PTPN3: variants seen among roughly 807,000 people sequenced by gnomAD.
The protein encoded by PTPN3 is protein tyrosine phosphatase non-receptor type 3.
Under a neutral mutation model 132.7 loss-of-function variants are expected in PTPN3, and 96 were observed. That is an observed-to-expected ratio of 0.72 (90% CI 0.61 to 0.86). The LOEUF is 0.86. Ranked by LOEUF, PTPN3 falls within the 40% of genes least tolerant of loss-of-function variation. The probability of loss-of-function intolerance (pLI) is 0.00; values close to 1 mark genes in which losing one functional copy is unlikely to be tolerated. For missense variants in PTPN3, 1,125 were observed against 1,159.6 expected, an observed-to-expected ratio of 0.97 and a Z score of 0.43; for synonymous variants, 398 against 429.0, an observed-to-expected ratio of 0.93 and a Z score of 0.89.
chr9:109,506,607 CTTT>C, the PTPN3 span, among the ~76,000 whole-genome samples: 11 of 131,770 alleles, frequency 8.3e-5, no homozygotes, highest in Admixed American at 7.8e-5. Context: ...TTCTTTCTTT[CTTT>C]TTTTTTTTTT....
chr9:109,503,186 G>T (rs931051791), upstream of PTPN3, among the ~76,000 whole-genome samples: 11 of 152,112 alleles, frequency 7.2e-5, no homozygotes, highest in Non-Finnish European at 1.6e-4. Flanking sequence ...GGAGGGTGAA[G>T]CCCACCCTGC....
At chr9:109,433,306 C>A in intron 9 of PTPN3, 145 bp from the exon 10 acceptor site, 1 of 1,323,652 alleles carries the variant, frequency 7.6e-7, no homozygotes, top group South Asian at 1.8e-5. Context: ...CAAAAAGCCC[C>A]ACTTAACGGA....
chr9:109,404,636 C>T (rs1224043027), intron 18 of PTPN3, 28 bp from the exon 19 acceptor site: 1 of 1,422,584 alleles, frequency 7.0e-7, no homozygotes, highest in Non-Finnish European at 9.4e-7. Flanking sequence ...GTGCATCTGA[C>T]TTGTGTAGCA....
At chr9:109,389,727 C>A (rs1839905158) in intron 21 of PTPN3, among the ~76,000 whole-genome samples, 1 of 152,122 alleles carries the variant, frequency 6.6e-6, no homozygotes, top group African/African-American at 2.4e-5. Context: ...CCAATCCTAC[C>A]CCTAAGTCTT....
chr9:109,431,925 A>T (rs1843688311), intron 10 of PTPN3, among the ~76,000 whole-genome samples: 1 of 151,910 alleles, frequency 6.6e-6, no homozygotes, highest in East Asian at 1.9e-4. Context: ...AAAGGAGATA[A>T]ATCAAAGAAA....
intron 22 of PTPN3, among the ~76,000 whole-genome samples, chr9:109,386,734 G>A (rs1449050027): frequency 1.3e-5 from 2 of 152,340 alleles, no homozygotes; most frequent in African/African-American, 2.4e-5. Context: ...GAAGGTACCA[G>A]TCTCAAGGTG....
chr9:109,478,986 T>C (rs1846827543), intron 1 of PTPN3, among the ~76,000 whole-genome samples: 1 of 152,048 alleles, frequency 6.6e-6, no homozygotes, highest in Non-Finnish European at 1.5e-5. Flanking sequence ...TTTTCTGTTC[T>C]TTTAAATCTC....
Position 109,378,771 on chromosome 9 carries a change from G to A in PTPN3, c.*785C>T, listed in dbSNP as rs41278397. ...GTCGGTGATTCCAGTCCTGGGTGCT[G>A]AGTGTGCAGTAGGAGGCAAGCAGAG... is the stretch of plus-strand genomic sequence containing the variant. On this transcript the variant is annotated 3_prime_UTR_variant, in exon 26 of 26. Transcript: ENST00000374541. 5,360 of 152,810 alleles carry A rather than the reference G, an allele frequency of 0.035. 147 individuals carry two copies. Among genetic ancestry groups the A allele is most frequent in the East Asian group, 0.15 (758 of 5,178 alleles). 9.5% of individuals were successfully genotyped at this position (152,810 alleles called of 1,614,324 possible). A position where few individuals can be genotyped will look rare whatever the true frequency, so the allele number is the denominator to read the frequency against.
chr9:109,449,824 T>C, intron 5 of PTPN3: 1 of 985,396 alleles, frequency 1.0e-6, no homozygotes, highest in Non-Finnish European at 1.2e-6. Context: ...ATCAGTTTCA[T>C]TATTCCTTCA....
At chr9:109,477,613 C>T (rs1588491315) in intron 1 of PTPN3, among the ~76,000 whole-genome samples, 1 of 152,238 alleles carries the variant, frequency 6.6e-6, no homozygotes, top group Non-Finnish European at 1.5e-5. Flanking sequence ...CACATGATGT[C>T]TAAAGGCCCT....
chr9:109,428,549 T>C (rs1163038704), intron 11 of PTPN3, 72 bp downstream of exon 11: 4 of 1,508,546 alleles, frequency 2.7e-6, no homozygotes, highest in Non-Finnish European at 3.6e-6. Context: ...TTGGGCAACA[T>C]AGCGAGACCC....
intron 1 of PTPN3, among the ~76,000 whole-genome samples, chr9:109,473,789 A>G (rs1846497960): frequency 1.3e-5 from 2 of 152,184 alleles, no homozygotes; most frequent in South Asian, 4.2e-4. Context: ...AGTGCTCCCC[A>G]GGAGCCCAGC....
chr9:109,511,849 A>G, the PTPN3 span, among the ~76,000 whole-genome samples: 1 of 152,250 alleles, frequency 6.6e-6, no homozygotes, highest in Non-Finnish European at 1.5e-5. Context: ...TCCAGCATTC[A>G]AAGAGCTGGG....
intron 19 of PTPN3, among the ~76,000 whole-genome samples, chr9:109,403,622 G>A (rs992277447): frequency 6.6e-6 from 1 of 152,164 alleles, no homozygotes; most frequent in Non-Finnish European, 1.5e-5. Flanking sequence ...GGAGGACGGC[G>A]TGGGACCAGG....
At chr9:109,526,295 T>C in the PTPN3 span, among the ~76,000 whole-genome samples, 2 of 151,892 alleles carry the variant, frequency 1.3e-5, no homozygotes, top group Non-Finnish European at 2.9e-5. Flanking sequence ...TTACTTTAAA[T>C]TCATCTGCAG....
chr9:109,479,593 T>G lies in PTPN3; in HGVS notation c.-17-16142A>C, dbSNP rs572735593. On this transcript the variant is annotated intron_variant, in intron 1 of 25. Transcript: ENST00000374541. ...CTATCTATAGCTTTTTAAAATTTTT[T>G]TGAGACACAGTCTTCCTCTGTTGCC... Among the ~76,000 whole-genome samples, 18 of 152,364 alleles carry G rather than the reference T, an allele frequency of 1.2e-4. No individual in the cohort carries two copies. In the East Asian group the frequency reaches 2.7e-3, roughly 23 times the overall value.
At chr9:109,502,294 T>C (rs1588521907), upstream of PTPN3, among the ~76,000 whole-genome samples, 3 of 152,376 alleles carry the variant, frequency 2.0e-5, no homozygotes, top group Admixed American at 2.0e-4. Flanking sequence ...TTGGGAAGTC[T>C]GCCCTACTTG....
chr9:109,423,888 AAACAG>A (rs1387711523), intron 12 of PTPN3, among the ~76,000 whole-genome samples: 3 of 152,202 alleles, frequency 2.0e-5, no homozygotes, highest in Non-Finnish European at 2.9e-5. Flanking sequence ...AACAAAAACA[AAACAG>A]AACAAAGAAC....
At chr9:109,439,331 A>AT (rs1844286996) in intron 7 of PTPN3, among the ~76,000 whole-genome samples, 1 of 151,992 alleles carries the variant, frequency 6.6e-6, no homozygotes, top group Non-Finnish European at 1.5e-5. Flanking sequence ...CTCGTATTCC[A>AT]TTTTCTTGAC....
Sources: gnomAD v4.1 joint callset for allele counts (sites outside exome capture counted in the v4.1 genomes callset) on GRCh38, gnomAD v4.1.1 for gene constraint, MANE v1.5 for transcripts, NCBI Gene and HGNC (gene_info 2026-07-23, HGNC 2026-07-21) for gene names.